MGRN1: variants seen among roughly 807,000 people sequenced by gnomAD.
MGRN1 encodes E3 ubiquitin-protein ligase MGRN1.
MGRN1 carries 29 observed loss-of-function variants against 69.2 expected under a neutral mutation model. The ratio of observed to expected loss-of-function variants is 0.42; its 90% CI spans 0.31 to 0.57. The LOEUF is 0.57. Among genes scored for constraint, MGRN1 ranks in the 20% least tolerant of loss-of-function variants. MGRN1 has a pLI of 0.15. For missense variants in MGRN1, 998 were observed against 796.2 expected, an observed-to-expected ratio of 1.25 and a Z score of -3.05; for synonymous variants, 470 against 344.2, an observed-to-expected ratio of 1.37 and a Z score of -4.04.
intron 1 of MGRN1, among the ~76,000 whole-genome samples, chr16:4,648,604 G>A (rs1309145784): frequency 1.1e-5 from 1 of 89,646 alleles, no homozygotes; most frequent in Non-Finnish European, 2.0e-5. Context: ...GGCTCTTCCC[G>A]TGGTCACCCG....
chr16:4,629,526 G>T (rs1897883126), intron 1 of MGRN1, among the ~76,000 whole-genome samples: 1 of 151,708 alleles, frequency 6.6e-6, no homozygotes, highest in Non-Finnish European at 1.5e-5. Context: ...GGATCATGAG[G>T]TAAAGAGATT....
intron 1 of MGRN1, among the ~76,000 whole-genome samples, chr16:4,641,781 A>G (rs1275148416): frequency 1.3e-5 from 2 of 151,046 alleles, no homozygotes; most frequent in Non-Finnish European, 3.0e-5. Flanking sequence ...GGCCTCCCAA[A>G]GTGCTGGGAT....
intron 4 of MGRN1, among the ~76,000 whole-genome samples, chr16:4,655,622 C>G (rs7198162): frequency 3.5e-4 from 52 of 146,744 alleles, no homozygotes; most frequent in African/African-American, 1.2e-3. Context: ...TCCCAGCAGG[C>G]ATCACAGAGC....
chr16:4,682,966 G>T lies in MGRN1; in HGVS notation c.1482+20G>T. On this transcript the variant is annotated intron_variant, in intron 14 of 16. Coordinates refer to ENST00000262370, the MANE Select transcript of MGRN1 (RefSeq NM_015246.4). ...CCTGAGGTGAGGCCCCCCCGGGGAA[G>T]CTTTGCGCACCCGCCCGGGCCAGCC... is the stretch of plus-strand genomic sequence containing the variant. 1 of 1,535,158 alleles carries T rather than the reference G, an allele frequency of 6.5e-7. No individual in the cohort carries two copies. The highest frequency in any genetic ancestry group is 8.8e-7 in the Non-Finnish European group (1 of 1,137,348).
intron 5 of MGRN1, among the ~76,000 whole-genome samples, chr16:4,660,170 G>T (rs1335952622): frequency 6.6e-6 from 1 of 152,260 alleles, no homozygotes; most frequent in Non-Finnish European, 1.5e-5. Context: ...GAGAGGACAT[G>T]TGTGGAGGGG....
rs143119735 is a variant in MGRN1, at chr16:4,642,466, T to TTGTGTGTGTGTGTGTGTGTG, written c.89-7883_89-7864dup. 1.3e-3 allele frequency among the ~76,000 whole-genome samples: 182 copies of TTGTGTGTGTGTGTGTGTGTG among 141,806 alleles called. 1 individual carries two copies. The highest frequency in any genetic ancestry group is 4.4e-3 in the African/African-American group (165 of 37,486). The allele number at this position is 141,806 out of a possible 152,430, so 93.0% of individuals were successfully genotyped here. The stretch of plus-strand genomic sequence containing the variant: ...GCATGCACCACCACGGCCAGCTAAT[T>TTGTGTGTGTGTGTGTGTGTG]TGTGTGTGTGTGTGTGTGTGTGTGT... On this transcript the variant is annotated intron_variant, in intron 1 of 16. Coordinates refer to ENST00000262370, the MANE Select transcript of MGRN1 (RefSeq NM_015246.4).
intron 16 of MGRN1, chr16:4,687,793 G>GGGT (rs1317308510): frequency 1.0e-6 from 1 of 985,332 alleles, no homozygotes; most frequent in Non-Finnish European, 1.2e-6. Context: ...CTTTCCCCTT[G>GGGT]GGTGGACTTG....
intron 8 of MGRN1, 151 bp downstream of exon 8, chr16:4,668,463 A>G: frequency 5.2e-6 from 4 of 776,404 alleles, no homozygotes; most frequent in Non-Finnish European, 8.3e-6. Context: ...ACTTGCACAT[A>G]TATACGGACA....
intron 9 of MGRN1, chr16:4,672,539 C>A: frequency 2.3e-6 from 1 of 442,206 alleles, no homozygotes; most frequent in Non-Finnish European, 4.6e-6. Context: ...ATGTTTCATA[C>A]CAGGGGGCGG....
At chr16:4,669,515 G>T (rs147467514) in intron 8 of MGRN1, among the ~76,000 whole-genome samples, 18 of 152,140 alleles carry the variant, frequency 1.2e-4, no homozygotes, top group African/African-American at 4.1e-4. Flanking sequence ...CCCTGTCTTG[G>T]GTGAGCATAT....
intron 16 of MGRN1, among the ~76,000 whole-genome samples, chr16:4,684,199 A>G (rs936054306): frequency 2.6e-5 from 4 of 152,246 alleles, no homozygotes; most frequent in Admixed American, 2.0e-4. Context: ...CACATTGGCC[A>G]CAGGAGGTGA....
intron 2 of MGRN1, among the ~76,000 whole-genome samples, chr16:4,651,538 A>T (rs899415305): frequency 9.2e-5 from 14 of 152,154 alleles, no homozygotes; most frequent in Non-Finnish European, 4.4e-5. Context: ...CTCAGGGGAC[A>T]GGAGGCCGGA....
chr16:4,680,119 T>C (rs2079145538), intron 12 of MGRN1, 22 bp downstream of exon 12: 2 of 1,611,954 alleles, frequency 1.2e-6, no homozygotes, highest in South Asian at 1.1e-5. Context: ...GTCCTCCGGC[T>C]ACGTTTTTTT....
intron 1 of MGRN1, among the ~76,000 whole-genome samples, chr16:4,627,472 T>C (rs1567161933): frequency 6.6e-6 from 1 of 152,270 alleles, no homozygotes; most frequent in Non-Finnish European, 1.5e-5. Flanking sequence ...GATTTGATGA[T>C]TTTTAGTTAA....
At chr16:4,672,544 G>A (rs1416419901) in intron 9 of MGRN1, 1 of 439,284 alleles carries the variant, frequency 2.3e-6, no homozygotes, top group Non-Finnish European at 4.6e-6. Flanking sequence ...TCATACCAGG[G>A]GGCGGCCCAC....
intron 10 of MGRN1, among the ~76,000 whole-genome samples, chr16:4,675,999 G>A (rs1328052094): frequency 2.0e-5 from 3 of 152,212 alleles, no homozygotes; most frequent in Non-Finnish European, 4.4e-5. Context: ...TGGCGGTGGG[G>A]CCGGAGCATA....
chr16:4,624,895 AG>A lies in MGRN1; in HGVS notation c.-64del. 7.2e-7 allele frequency: 1 copy of A among 1,389,876 alleles called. No individual in the cohort carries two copies. The allele number at this position is 1,389,876 out of a possible 1,614,324, so 86.1% of individuals were successfully genotyped here. Reference sequence around the variant, plus strand: ...GCCTGGTCCGGGCCATGTCCGCGTGAGGACCCCGCCGCTGTCGCCGCTCCCG... The same window carrying A: ...GCCTGGTCCGGGCCATGTCCGCGTGAGACCCCGCCGCTGTCGCCGCTCCCG... On this transcript the variant is annotated 5_prime_UTR_variant, in exon 1 of 17. Transcript: ENST00000262370.
intron 1 of MGRN1, among the ~76,000 whole-genome samples, chr16:4,639,000 C>T (rs1220275458): frequency 3.9e-5 from 6 of 152,088 alleles, no homozygotes; most frequent in Non-Finnish European, 8.8e-5. Context: ...GGAGTCTGCC[C>T]AGGGGTCCCA....
At chr16:4,638,277 C>A (rs12149731) in intron 1 of MGRN1, among the ~76,000 whole-genome samples, 2,977 of 152,032 alleles carry the variant, frequency 0.02, 38 homozygotes, top group Non-Finnish European at 0.029. Context: ...CCAGCCTGAC[C>A]AACATGGTGA....
Sources: gnomAD v4.1 joint callset for allele counts (sites outside exome capture counted in the v4.1 genomes callset) on GRCh38, gnomAD v4.1.1 for gene constraint, MANE v1.5 for transcripts, NCBI Gene and HGNC (gene_info 2026-07-23, HGNC 2026-07-21) for gene names.